RBFOX3: variants seen among roughly 807,000 people sequenced by gnomAD.
RBFOX3 encodes RNA binding fox-1 homolog 3, also known as RNA binding protein fox-1 homolog 3.
A neutral mutation model predicts 48.7 loss-of-function variants in RBFOX3; 17 were observed. The ratio of observed to expected loss-of-function variants is 0.35; its 90% CI spans 0.24 to 0.52. The LOEUF is 0.52. Among genes scored for constraint, RBFOX3 ranks in the 20% least tolerant of loss-of-function variants. The pLI is 0.94. For missense variants in RBFOX3, 382 were observed against 497.5 expected, an observed-to-expected ratio of 0.77 and a Z score of 2.21; for synonymous variants, 212 against 209.5, an observed-to-expected ratio of 1.01 and a Z score of -0.10.
chr17:79,238,606 A>T (rs2147948595), intron 3 of RBFOX3, among the ~76,000 whole-genome samples: 1 of 152,340 alleles, frequency 6.6e-6, no homozygotes, highest in South Asian at 2.1e-4. Context: ...ATCAGCCCAG[A>T]TGGGAGCTGG....
chr17:79,383,935 G>T (rs765382769), intron 2 of RBFOX3, among the ~76,000 whole-genome samples: 2 of 151,908 alleles, frequency 1.3e-5, no homozygotes, highest in African/African-American at 2.4e-5. Context: ...AATGTCAGAG[G>T]GGGGGGCAAT....
chr17:79,615,325 C>T (rs941727500), upstream of RBFOX3, among the ~76,000 whole-genome samples: 8 of 151,866 alleles, frequency 5.3e-5, no homozygotes, highest in East Asian at 1.2e-3. Context: ...TACCAGAGGA[C>T]GTGCTCTAAC....
rs774562998 is a variant in RBFOX3, at chr17:79,480,269, G to C, written c.-175+2185C>G. Among the ~76,000 whole-genome samples, 1 of 152,154 alleles carries C rather than the reference G, an allele frequency of 6.6e-6. No individual in the cohort carries two copies. The highest frequency in any genetic ancestry group is 1.5e-5 in the Non-Finnish European group (1 of 68,036). ...GGGTGACAGCCGTTTCAGCAGAGGA[G>C]GGGAGTTGTTTAAGGGTTTATCTCA... On this transcript the variant is annotated intron_variant, in intron 2 of 14. Transcript: ENST00000693108. This position sits in a 1 kb window ranked among gnomAD's most constrained non-coding sequence, Gnocchi z 4.8.
chr17:79,179,793 T>C (rs1221470092), intron 4 of RBFOX3, among the ~76,000 whole-genome samples: 3 of 152,200 alleles, frequency 2.0e-5, no homozygotes, highest in Non-Finnish European at 4.4e-5. Flanking sequence ...ATGAGCTCCT[T>C]CTTGCCCTGA....
the RBFOX3 span, among the ~76,000 whole-genome samples, chr17:79,627,112 A>C: frequency 6.6e-6 from 1 of 152,222 alleles, no homozygotes; most frequent in Non-Finnish European, 1.5e-5. Flanking sequence ...CGGAGGTGTG[A>C]CCAGGCTGGG....
At position 79,447,506 on chromosome 17, in the gene RBFOX3, C is replaced by T. The variant is rs374131109; in HGVS notation, c.-175+34948G>A. ...CGTCTGTCTATTGTGTACGGTGATA[C>T]GGTGCACAGTCCCATTTTACAGAAG... On this transcript the variant is annotated intron_variant, in intron 2 of 14. Transcript: ENST00000693108. Among the ~76,000 whole-genome samples, 17 of 152,272 alleles carry T rather than the reference C, an allele frequency of 1.1e-4. No individual in the cohort carries two copies. In the South Asian group the frequency reaches 1.5e-3, roughly 13 times the overall value.
chr17:79,433,659 T>C (rs2068869020), intron 2 of RBFOX3, among the ~76,000 whole-genome samples: 1 of 152,158 alleles, frequency 6.6e-6, no homozygotes, highest in Non-Finnish European at 1.5e-5. Flanking sequence ...GGCTCACAGC[T>C]TGAAGCAGCT....
Position 79,362,271 on chromosome 17 carries a change from G to C in RBFOX3, c.-174-54447C>G, listed in dbSNP as rs2086509211. On this transcript the variant is annotated intron_variant, in intron 2 of 14. Coordinates refer to ENST00000693108, the MANE Select transcript of RBFOX3 (RefSeq NM_001350451.2). The surrounding 1 kb of genome is among the most constrained non-coding windows in gnomAD (Gnocchi z 4.2). ...GATATTTTCCTGCCTTTGGGAAAAT[G>C]CATCTGTCTCCCTGCGTTTCTCTGA... Among the ~76,000 whole-genome samples the C allele has an allele frequency of 6.6e-6, 1 of 152,246 alleles. No homozygotes were observed. Among genetic ancestry groups the C allele is most frequent in the South Asian group, 2.1e-4 (1 of 4,828 alleles).
intron 2 of RBFOX3, among the ~76,000 whole-genome samples, chr17:79,389,564 C>CAT (rs1568164208): frequency 6.6e-6 from 1 of 152,214 alleles, no homozygotes; most frequent in African/African-American, 2.4e-5. Flanking sequence ...ACTGAGTCCC[C>CAT]CACCCTGCCT....
Position 79,189,585 on chromosome 17 carries a change from C to T in RBFOX3, c.-34+46181G>A, listed in dbSNP as rs370571046. On this transcript the variant is annotated intron_variant, in intron 4 of 14. Coordinates refer to ENST00000693108, the MANE Select transcript of RBFOX3 (RefSeq NM_001350451.2). ...CTCTTTCTCATTAGGCAGGAGGTCG[C>T]GAGGACTCAGTGGGTTGCTGAGCCC... Among the ~76,000 whole-genome samples the T allele has an allele frequency of 3.4e-4, 52 of 152,288 alleles. No individual in the cohort carries two copies. In the Middle Eastern group the frequency reaches 0.017, roughly 50 times the overall value.
intron 1 of RBFOX3, chr17:79,601,482 T>C (rs2093704582): frequency 6.6e-6 from 1 of 152,212 alleles, no homozygotes; most frequent in Non-Finnish European, 1.5e-5. Flanking sequence ...TTCTGTAATT[T>C]TAGTATATAT....
At chr17:79,140,459 GAC>G (rs2041696219) in intron 4 of RBFOX3, among the ~76,000 whole-genome samples, 1 of 152,260 alleles carries the variant, frequency 6.6e-6, no homozygotes, top group African/African-American at 2.4e-5. Context: ...GTGTGGGCCA[GAC>G]ACAGCGTGTG....
intron 3 of RBFOX3, among the ~76,000 whole-genome samples, chr17:79,293,867 A>G (rs1381039534): frequency 6.6e-6 from 1 of 152,194 alleles, no homozygotes; most frequent in East Asian, 1.9e-4. Context: ...GAAGAGAAAT[A>G]TAGGGAGGCT....
the RBFOX3 span, among the ~76,000 whole-genome samples, chr17:79,617,331 G>A: frequency 6.6e-6 from 1 of 152,060 alleles, no homozygotes; most frequent in Non-Finnish European, 1.5e-5. Flanking sequence ...CCTTCCAGAA[G>A]CACCCCTAGA....
chr17:79,383,075 G>T (rs900429936), intron 2 of RBFOX3, among the ~76,000 whole-genome samples: 1 of 82,312 alleles, frequency 1.2e-5, no homozygotes, highest in Non-Finnish European at 2.4e-5. Flanking sequence ...CACACACACA[G>T]TGTGTAGAAT....
chr17:79,356,348 G>GGTTTTTTTTTTTT (rs2084999414), intron 2 of RBFOX3, among the ~76,000 whole-genome samples: 10 of 47,268 alleles, frequency 2.1e-4, no homozygotes, highest in Non-Finnish European at 4.1e-4. Flanking sequence ...AAACAGGGAA[G>GGTTTTTTTTTTTT]TTTTTTTTTT....
intron 4 of RBFOX3, among the ~76,000 whole-genome samples, chr17:79,185,189 G>A (rs908427532): frequency 2.0e-5 from 3 of 152,226 alleles, no homozygotes; most frequent in Non-Finnish European, 2.9e-5. Flanking sequence ...CGAGGCAGGC[G>A]AGCTGGCCAT....
intron 2 of RBFOX3, among the ~76,000 whole-genome samples, chr17:79,456,703 CCCA>C (rs1484345206): frequency 3.3e-5 from 5 of 152,160 alleles, no homozygotes; most frequent in African/African-American, 1.2e-4. Flanking sequence ...CCCGGGAGTT[CCCA>C]CCACACTTGA....
chr17:79,188,000 C>T (rs1199369595), intron 4 of RBFOX3, among the ~76,000 whole-genome samples: 6 of 152,198 alleles, frequency 3.9e-5, no homozygotes, highest in East Asian at 1.9e-4. Flanking sequence ...TATCAGGAGT[C>T]GGGGGCTGCT....
Sources: gnomAD v4.1 joint callset for allele counts (sites outside exome capture counted in the v4.1 genomes callset) on GRCh38, gnomAD v4.1.1 for gene constraint, Gnocchi (gnomAD v3.1) non-coding constraint, MANE v1.5 for transcripts, NCBI Gene and HGNC (gene_info 2026-07-23, HGNC 2026-07-21) for gene names.